EML4: variants seen among roughly 807,000 people sequenced by gnomAD.
The protein encoded by EML4 is echinoderm microtubule-associated protein-like 4.
EML4 carries 72 observed loss-of-function variants against 129.0 expected under a neutral mutation model. That is an observed-to-expected ratio of 0.56 (90% CI 0.46 to 0.68). EML4 has a LOEUF of 0.68. Ranked by LOEUF, EML4 falls within the 30% of genes least tolerant of loss-of-function variation. The probability of loss-of-function intolerance (pLI) is 0.00; values close to 1 mark genes in which losing one functional copy is unlikely to be tolerated. For synonymous variants in EML4, 532 were observed against 405.0 expected, an observed-to-expected ratio of 1.31 and a Z score of -3.77; for missense variants, 1,363 against 1,190.6, an observed-to-expected ratio of 1.14 and a Z score of -2.13.
intron 2 of EML4, 92 bp from the exon 3 acceptor site, chr2:42,256,409 C>T (rs1676153529): frequency 7.8e-7 from 1 of 1,279,882 alleles, no homozygotes; most frequent in Non-Finnish European, 1.1e-6. Context: ...TTTTCTACCA[C>T]CCCCTCCTTC....
chr2:42,228,973 G>C (rs1029245469), intron 1 of EML4, among the ~76,000 whole-genome samples: 1 of 152,044 alleles, frequency 6.6e-6, no homozygotes, highest in Non-Finnish European at 1.5e-5. Context: ...TTAATTTTCT[G>C]ATGATTAAAT....
intron 1 of EML4, among the ~76,000 whole-genome samples, chr2:42,187,706 A>G (rs1010749815): frequency 3.3e-5 from 5 of 151,988 alleles, no homozygotes; most frequent in African/African-American, 1.2e-4. Context: ...AAGTTTTGAG[A>G]GTATTTTATA....
chr2:42,267,725 A>G (rs1179058964), intron 6 of EML4, among the ~76,000 whole-genome samples: 1 of 152,180 alleles, frequency 6.6e-6, no homozygotes, highest in East Asian at 1.9e-4. Context: ...GTTAGGTGTG[A>G]GAGGAAGGGC....
intron 1 of EML4, chr2:42,207,873 T>C (rs1203932712): frequency 1.3e-5 from 2 of 152,230 alleles, no homozygotes; most frequent in East Asian, 3.8e-4. Flanking sequence ...GACAATCATA[T>C]TTGAGCTATA....
intron 1 of EML4, among the ~76,000 whole-genome samples, chr2:42,201,724 C>T (rs1304821546): frequency 6.6e-6 from 1 of 152,104 alleles, no homozygotes; most frequent in Non-Finnish European, 1.5e-5. Flanking sequence ...AAGCCAGGCA[C>T]ACAGAGACAC....
At chr2:42,295,061 T>G in intron 11 of EML4, 64 bp from the exon 12 acceptor site, 1 of 1,402,878 alleles carries the variant, frequency 7.1e-7, no homozygotes, top group Non-Finnish European at 9.6e-7. Context: ...TAGCAGTAAT[T>G]GAATTGATAC....
intron 1 of EML4, among the ~76,000 whole-genome samples, chr2:42,218,486 T>C (rs1281180972): frequency 6.6e-6 from 1 of 152,188 alleles, no homozygotes; most frequent in Non-Finnish European, 1.5e-5. Flanking sequence ...CCACGAAACC[T>C]GTCCCTGGTA....
chr2:42,293,247 C>T (rs1466778502), intron 11 of EML4, among the ~76,000 whole-genome samples: 1 of 151,766 alleles, frequency 6.6e-6, no homozygotes, highest in East Asian at 2.0e-4. Context: ...GTAGCTAAAA[C>T]TACAGCGCGC....
At chr2:42,253,001 A>G (rs1031458777) in intron 2 of EML4, among the ~76,000 whole-genome samples, 1 of 152,186 alleles carries the variant, frequency 6.6e-6, no homozygotes, top group Non-Finnish European at 1.5e-5. Context: ...ACATAAGAGT[A>G]GGATTATAAT....
At chr2:42,306,660 ATT>A (rs139564809) in intron 17 of EML4, among the ~76,000 whole-genome samples, 63,537 of 142,948 alleles carry the variant, frequency 0.44, 14,352 homozygotes, top group East Asian at 0.73. Context: ...CGCCTGGCTA[ATT>A]TTTTTTTTTT....
intron 1 of EML4, among the ~76,000 whole-genome samples, chr2:42,176,039 G>A (rs1357791231): frequency 6.7e-6 from 1 of 149,400 alleles, no homozygotes; most frequent in East Asian, 2.0e-4. Context: ...TTCTGATGGA[G>A]TCCAGTGGTC....
chr2:42,327,048 GTTA>G (rs1669848382), intron 21 of EML4, among the ~76,000 whole-genome samples: 1 of 151,938 alleles, frequency 6.6e-6, no homozygotes, highest in Non-Finnish European at 1.5e-5. Flanking sequence ...CCACTAATCT[GTTA>G]TTGATTTGCC....
chr2:42,205,740 G>C (rs915375232), intron 1 of EML4, among the ~76,000 whole-genome samples: 1 of 152,160 alleles, frequency 6.6e-6, no homozygotes, highest in African/African-American at 2.4e-5. Context: ...TTAGTGGTTG[G>C]CTATAGCTTA....
intron 1 of EML4, among the ~76,000 whole-genome samples, chr2:42,223,392 A>G (rs1428827992): frequency 6.6e-6 from 1 of 152,142 alleles, no homozygotes; most frequent in African/African-American, 2.4e-5. Context: ...AGTAAAAATT[A>G]TTTTTATTTG....
In EML4 at chr2:42,331,896, T is replaced by G. The variant is rs997547403; in HGVS notation, c.*1689T>G. 2 of 147,354 alleles carry G rather than the reference T, an allele frequency of 1.4e-5. No individual in the cohort carries two copies. Among genetic ancestry groups the G allele is most frequent in the Non-Finnish European group, 2.7e-5 (2 of 74,956 alleles). 9.1% of individuals were successfully genotyped at this position (147,354 alleles called of 1,614,324 possible). A position where few individuals can be genotyped will look rare whatever the true frequency, so the allele number is the denominator to read the frequency against. On this transcript the variant is annotated 3_prime_UTR_variant, in exon 23 of 23. Transcript: ENST00000318522. The stretch of plus-strand genomic sequence containing the variant: ...AATACTCAGTGTAGATCTCTATGTG[T>G]ATAGGTATCTGTATATCTTTCCTTT...
At chr2:42,203,350 A>G (rs1415929064) in intron 1 of EML4, among the ~76,000 whole-genome samples, 1 of 152,180 alleles carries the variant, frequency 6.6e-6, no homozygotes, top group Non-Finnish European at 1.5e-5. Context: ...TTTGTTTATC[A>G]GAGGATCTGA....
At chr2:42,252,493 T>A (rs1210715868) in intron 2 of EML4, among the ~76,000 whole-genome samples, 1 of 152,218 alleles carries the variant, frequency 6.6e-6, no homozygotes, top group East Asian at 1.9e-4. Context: ...AAAATGTAAA[T>A]TGAACTCTGC....
intron 17 of EML4, among the ~76,000 whole-genome samples, chr2:42,309,037 G>A (rs1245969747): frequency 6.6e-6 from 1 of 152,088 alleles, no homozygotes; most frequent in Non-Finnish European, 1.5e-5. Flanking sequence ...ATTCATACAT[G>A]AGCTTTAGAG....
chr2:42,219,715 C>A (rs1183318373), intron 1 of EML4, among the ~76,000 whole-genome samples: 1 of 151,876 alleles, frequency 6.6e-6, no homozygotes. Context: ...ATCAGGACTT[C>A]AAGACCAGCC....
Sources: allele counts gnomAD v4.1 joint callset (sites outside exome capture counted in the v4.1 genomes callset), GRCh38; gene constraint gnomAD v4.1.1; transcripts MANE v1.5; gene names NCBI Gene and HGNC (gene_info 2026-07-23, HGNC 2026-07-21).